PCLO: variants seen among roughly 807,000 people sequenced by gnomAD.
The protein encoded by PCLO is protein piccolo.
PCLO carries 82 observed loss-of-function variants against 427.5 expected under a neutral mutation model. The observed-to-expected ratio is 0.19, with a 90% CI of 0.16 to 0.23. The LOEUF is 0.23. Ranked by LOEUF, PCLO falls within the 10% of genes least tolerant of loss-of-function variation. The pLI, the probability that PCLO is intolerant of heterozygous loss-of-function variation, is 1.00. For missense variants in PCLO, 6,239 were observed against 6,115.9 expected (o/e 1.02, Z -0.67); for synonymous variants, 2,357 against 2,155.4 (o/e 1.09, Z -2.59).
rs775679251 is a variant in PCLO, at chr7:82,916,419, G to C, written c.11567C>G (p.Pro3856Arg). Residue 3856 changes from proline to arginine, a missense_variant, in exon 7 of 25, where the codon CCA becomes CGA. Coordinates refer to ENST00000333891, the MANE Select transcript of PCLO (RefSeq NM_033026.6). ...RIESQHGIER[P>R]RTAPQTEFSQ... is the part of the protein sequence containing the mutation. ...GAATTCAGTTTGGGGAGCAGTTCTTGGTCGCTCAATGCCATGCTGACTTTC... is the reference window on the plus strand; with the variant it reads ...GAATTCAGTTTGGGGAGCAGTTCTTCGTCGCTCAATGCCATGCTGACTTTC... 1 of 1,613,618 alleles carries C rather than the reference G, an allele frequency of 6.2e-7. No individual in the cohort carries two copies. Among genetic ancestry groups the C allele is most frequent in the Non-Finnish European group, 8.5e-7 (1 of 1,179,730 alleles).
In PCLO at chr7:83,162,707, C is replaced by A. The variant is rs994293529; in HGVS notation, c.-115G>T. 3 of 1,352,508 alleles carry A rather than the reference C, an allele frequency of 2.2e-6. No individual in the cohort carries two copies. The highest frequency in any genetic ancestry group is 1.5e-5 in the African/African-American group (1 of 67,856). The allele number at this position is 1,352,508 out of a possible 1,614,324, so 83.8% of individuals were successfully genotyped here. The stretch of plus-strand genomic sequence containing the variant: ...GTCCGCCTCGGGGCGTGCAGGCAGC[C>A]GAGTCCCTGGACTCTGGACCAGGCA... On this transcript the variant is annotated 5_prime_UTR_variant, in exon 1 of 25. Transcript: ENST00000333891.
chr7:83,160,802 T>C (rs902991360), intron 1 of PCLO, among the ~76,000 whole-genome samples: 5 of 152,148 alleles, frequency 3.3e-5, no homozygotes, highest in African/African-American at 7.2e-5. Context: ...ACCAGCATGA[T>C]AGACCTGTTG....
chr7:82,889,190 C>T (rs541575457), intron 9 of PCLO, among the ~76,000 whole-genome samples: 2 of 152,076 alleles, frequency 1.3e-5, no homozygotes, highest in African/African-American at 2.4e-5. Flanking sequence ...GGCTCTGTGT[C>T]ATGTGTGGTG....
chr7:83,020,805 G>A (rs187977802), intron 3 of PCLO, among the ~76,000 whole-genome samples: 36 of 152,218 alleles, frequency 2.4e-4, no homozygotes, highest in Non-Finnish European at 4.1e-4. Context: ...AAGAAGGGAA[G>A]GGTAGAAATG....
chr7:83,116,833 T>C (rs1028314043), intron 3 of PCLO, among the ~76,000 whole-genome samples: 2 of 152,212 alleles, frequency 1.3e-5, no homozygotes, highest in African/African-American at 4.8e-5. Context: ...TCTCCACTTC[T>C]GTGATATCAA....
Position 83,022,758 on chromosome 7 carries a change from GT to G in PCLO, c.3301-56272del, listed in dbSNP as rs367950371. On this transcript the variant is annotated intron_variant, in intron 3 of 24. Transcript: ENST00000333891. ...GAATGAGTTCTTTAAATTAGAAAAG[GT>G]TATAGCACATTTCTTTGCCTTGTGT... Among the ~76,000 whole-genome samples the G allele has an allele frequency of 2.6e-3, 399 of 152,108 alleles. 2 individuals are homozygous for G. The Middle Eastern group carries it at 0.034, about 13-fold the overall frequency.
At chr7:82,824,928 G>A (rs768552487) in intron 18 of PCLO, among the ~76,000 whole-genome samples, 1 of 151,954 alleles carries the variant, frequency 6.6e-6, no homozygotes, top group South Asian at 2.1e-4. Context: ...CAGCCTGGGC[G>A]ACAGAGCAAG....
intron 20 of PCLO, chr7:82,822,263 T>C: frequency 7.3e-7 from 1 of 1,376,714 alleles, no homozygotes; most frequent in Non-Finnish European, 9.4e-7. Flanking sequence ...GGATGGATGG[T>C]GGAAACAAAG....
At chr7:83,080,387 T>A (rs542767286) in intron 3 of PCLO, among the ~76,000 whole-genome samples, 1 of 152,240 alleles carries the variant, frequency 6.6e-6, no homozygotes, top group South Asian at 2.1e-4. Flanking sequence ...GCACCTGTTG[T>A]TTTTTGAATT....
chr7:83,082,804 A>T (rs572607149), intron 3 of PCLO, among the ~76,000 whole-genome samples: 1 of 151,906 alleles, frequency 6.6e-6, no homozygotes, highest in South Asian at 2.1e-4. Flanking sequence ...AAAATAAAAA[A>T]TATCTGAAAA....
In PCLO at chr7:83,134,472, C is replaced by T; in HGVS notation, c.3078G>A (p.Lys1026=). 2.5e-6 allele frequency: 4 copies of T among 1,613,236 alleles called. No individual in the cohort carries two copies. The Middle Eastern group carries it at 5.0e-4, about 200-fold the overall frequency. The part of the protein sequence containing the change: ...PTVKRTETEK[K]PPPIKDSKSL... ...ATTTGCTATCCTTAATAGGTGGTGG[C>T]TTTTTTTCTGTTTCTGTTCTTTTTA... is the stretch of plus-strand genomic sequence containing the variant. Residue 1026 remains lysine, a synonymous_variant, in exon 3 of 25, where the codon AAG becomes AAA. Transcript: ENST00000333891.
chr7:82,906,444 A>G (rs1422296133), intron 8 of PCLO, among the ~76,000 whole-genome samples: 3 of 152,074 alleles, frequency 2.0e-5, no homozygotes, highest in Non-Finnish European at 2.9e-5. Flanking sequence ...AAGCCAAAAT[A>G]TAGTTATGAT....
chr7:82,931,801 T>C (rs1028845280), intron 6 of PCLO, among the ~76,000 whole-genome samples: 15 of 152,074 alleles, frequency 9.9e-5, no homozygotes, highest in Admixed American at 2.0e-4. Context: ...ATTCTACTCA[T>C]TAGAACCAAG....
intron 6 of PCLO, among the ~76,000 whole-genome samples, chr7:82,927,405 T>C (rs1322562675): frequency 6.6e-6 from 1 of 152,216 alleles, no homozygotes; most frequent in African/African-American, 2.4e-5. Context: ...GAACAATCCA[T>C]GTATGCATTC....
At position 82,909,024 on chromosome 7, in the gene PCLO, C is replaced by A. The variant is rs1453988142; in HGVS notation, c.13301-11G>T. The A allele has an allele frequency of 3.1e-6, 5 of 1,611,512 alleles. No individual in the cohort carries two copies. In the Admixed American group the frequency reaches 6.7e-5, roughly 22 times the overall value. ...GACGCAGATGATAGGCTTTGGACAC[C>A]AAGGAAACATCATACATTGCAACGG... On this transcript the variant is annotated splice_polypyrimidine_tract_variant and intron_variant, in intron 7 of 24. Transcript: ENST00000333891.
At position 82,914,863 on chromosome 7, in the gene PCLO, T is replaced by G. The variant is rs768837727; in HGVS notation, c.13123A>C (p.Arg4375=). 40 of 1,613,624 alleles carry G rather than the reference T, an allele frequency of 2.5e-5. No individual in the cohort carries two copies. Among genetic ancestry groups the G allele is most frequent in the Admixed American group, 6.7e-5 (4 of 59,972 alleles). The part of the protein sequence containing the change: ...SPVGQPMGMA[R]AAAGPLPPIS... ...GGTGGCAGGGGTCCAGCTGCAGCCC[T>G]GGCCATTCCCATTGGCTGGCCAACA... The change falls in exon 7 of 25, where the codon AGG becomes CGG. Residue 4375 remains arginine, a synonymous_variant. Coordinates refer to ENST00000333891, the MANE Select transcript of PCLO (RefSeq NM_033026.6).
At chr7:83,044,311 G>C (rs1789051599) in intron 3 of PCLO, among the ~76,000 whole-genome samples, 1 of 152,090 alleles carries the variant, frequency 6.6e-6, no homozygotes, top group African/African-American at 2.4e-5. Context: ...TGGAGACACA[G>C]AGCCAAACCA....
intron 23 of PCLO, 72 bp from the exon 24 acceptor site, chr7:82,760,856 T>C (rs1790416387): frequency 1.4e-6 from 1 of 713,766 alleles, no homozygotes; most frequent in Non-Finnish European, 2.1e-6. Context: ...TATAACTGTA[T>C]ACTGAGAGTT....
Position 82,966,438 on chromosome 7 carries a change from C to T in PCLO, c.3350G>A (p.Gly1117Glu). The change falls in exon 4 of 25, where the codon GGA becomes GAA. Residue 1117 changes from glycine to glutamate, a missense_variant. Gly to Glu is a moderately conservative substitution (Grantham distance 98, BLOSUM62 -2). Transcript: ENST00000333891. The stretch of plus-strand genomic sequence containing the variant: ...CATTTTGCGTATGTCTCCAAGCTGT[C>T]CTGATATTGCTCTCTGGGTTTGGCA... ...LNCQTQRAIS[G>E]QLGDIRKMPP... The T allele has an allele frequency of 6.2e-7, 1 of 1,601,712 alleles. No individual in the cohort carries two copies. The highest frequency in any genetic ancestry group is 8.5e-7 in the Non-Finnish European group (1 of 1,176,500).
Sources: gnomAD v4.1 joint callset for allele counts (sites outside exome capture counted in the v4.1 genomes callset) on GRCh38, gnomAD v4.1.1 for gene constraint, MANE v1.5 for transcripts, NCBI Gene and HGNC (gene_info 2026-07-23, HGNC 2026-07-21) for gene names.